TNNI3K: variants seen among roughly 807,000 people sequenced by gnomAD.
TNNI3K encodes TNNI3 interacting kinase.
Under a neutral mutation model 114.5 loss-of-function variants are expected in TNNI3K, and 140 were observed. The ratio of observed to expected loss-of-function variants is 1.22; its 90% CI spans 1.07 to 1.41. The LOEUF is 1.41. TNNI3K is among the 40% of genes most tolerant of loss of function. The probability of loss-of-function intolerance (pLI) is 0.00; values close to 1 mark genes in which losing one functional copy is unlikely to be tolerated. For missense variants in TNNI3K, 1,125 were observed against 1,007.6 expected (o/e 1.12, Z -1.58); for synonymous variants, 347 against 347.5 (o/e 1.00, Z 0.02).
intron 21 of TNNI3K, among the ~76,000 whole-genome samples, chr1:74,486,746 A>C (rs541655202): frequency 1.3e-5 from 2 of 152,186 alleles, no homozygotes; most frequent in South Asian, 4.1e-4. Context: ...AAAAGCTTAA[A>C]GATAAGGAGG....
Position 74,519,366 on chromosome 1 carries a change from A to C in TNNI3K, c.2352-20868A>C, listed in dbSNP as rs1463189959. 9.4e-5 allele frequency among the ~76,000 whole-genome samples: 11 copies of C among 116,948 alleles called. No homozygotes were observed. In the South Asian group the frequency reaches 1.5e-3, roughly 16 times the overall value. 76.7% of individuals were successfully genotyped at this position (116,948 alleles called of 152,430 possible). ...ATACGTGTGCATGTGTCTTTATAGC[A>C]GCATGATTTATACTCATTTGGGTAT... On this transcript the variant is annotated intron_variant, in intron 23 of 24. Coordinates refer to ENST00000326637, the MANE Select transcript of TNNI3K (RefSeq NM_015978.3).
At chr1:74,498,231 A>C (rs1236688670) in intron 23 of TNNI3K, among the ~76,000 whole-genome samples, 1 of 152,188 alleles carries the variant, frequency 6.6e-6, no homozygotes, top group Non-Finnish European at 1.5e-5. Context: ...CTGTATCTTA[A>C]CAGTTTTTTT....
chr1:74,347,644 A>G (rs1661090492), intron 9 of TNNI3K, among the ~76,000 whole-genome samples: 1 of 152,126 alleles, frequency 6.6e-6, no homozygotes, highest in Non-Finnish European at 1.5e-5. Context: ...CTATTTCTCC[A>G]CATCCTCTCC....
At chr1:74,355,795 G>C (rs1661623356) in intron 11 of TNNI3K, among the ~76,000 whole-genome samples, 1 of 152,000 alleles carries the variant, frequency 6.6e-6, no homozygotes, top group African/African-American at 2.4e-5. Context: ...TGATGTGGGA[G>C]TTACTTTAAT....
intron 5 of TNNI3K, among the ~76,000 whole-genome samples, chr1:74,310,639 A>C (rs1399826366): frequency 6.6e-6 from 1 of 152,294 alleles, no homozygotes; most frequent in Non-Finnish European, 1.5e-5. Flanking sequence ...AACAGAACAC[A>C]ATAGAAAACC....
At chr1:74,538,599 T>C (rs1033897035) in intron 23 of TNNI3K, among the ~76,000 whole-genome samples, 1 of 152,130 alleles carries the variant, frequency 6.6e-6, no homozygotes, top group African/African-American at 2.4e-5. Flanking sequence ...TGTGATGTGA[T>C]AGAGAGTGGC....
intron 4 of TNNI3K, among the ~76,000 whole-genome samples, chr1:74,251,779 T>C (rs1022343233): frequency 1.2e-4 from 19 of 152,194 alleles, no homozygotes; most frequent in African/African-American, 4.6e-4. Context: ...AGGACCTTAT[T>C]TTCCCATGAT....
intron 5 of TNNI3K, among the ~76,000 whole-genome samples, chr1:74,294,956 A>G (rs1279013448): frequency 6.6e-6 from 1 of 151,732 alleles, no homozygotes; most frequent in Non-Finnish European, 1.5e-5. Flanking sequence ...ACTTCTTAAG[A>G]TGAATTATTA....
At chr1:74,543,181 T>C (rs566139854) in intron 24 of TNNI3K, among the ~76,000 whole-genome samples, 1 of 148,112 alleles carries the variant, frequency 6.8e-6, no homozygotes, top group East Asian at 2.1e-4. Context: ...TTCAAGTGAT[T>C]CTCCTGCCTC....
At chr1:74,489,548 G>A (rs1237387383) in intron 22 of TNNI3K, among the ~76,000 whole-genome samples, 2 of 152,186 alleles carry the variant, frequency 1.3e-5, no homozygotes, top group Non-Finnish European at 2.9e-5. Context: ...AAATACATTA[G>A]AAGGTAATTA....
intron 17 of TNNI3K, among the ~76,000 whole-genome samples, chr1:74,393,187 A>G (rs567832065): frequency 6.6e-6 from 1 of 152,276 alleles, no homozygotes; most frequent in South Asian, 2.1e-4. Context: ...ATTTTATTCT[A>G]TATGCTATCT....
chr1:74,471,891 C>T, intron 21 of TNNI3K: 1 of 482,868 alleles, frequency 2.1e-6, no homozygotes, highest in East Asian at 3.2e-5. Context: ...GCTCACAGGG[C>T]ACATATTTAC....
rs200259845 is a variant in TNNI3K at position 74,513,259 on chromosome 1, AATT to A, written c.2351+20996_2351+20998del. Among the ~76,000 whole-genome samples the A allele has an allele frequency of 8.0e-3, 1,223 of 152,250 alleles. 26 individuals are homozygous for A. Among genetic ancestry groups the A allele is most frequent in the African/African-American group, 0.028 (1,184 of 41,546 alleles). On this transcript the variant is annotated intron_variant, in intron 23 of 24. Transcript: ENST00000326637. The stretch of plus-strand genomic sequence containing the variant: ...TTTATTCAGCTGATATTTATTGAGA[AATT>A]ATACCGGGATGTGGAAATTTACTGA...
intron 20 of TNNI3K, among the ~76,000 whole-genome samples, chr1:74,455,361 A>G (rs559900321): frequency 6.6e-6 from 1 of 152,296 alleles, no homozygotes; most frequent in Admixed American, 6.5e-5. Context: ...AGAAATCCAC[A>G]TATAGTTCAG....
At chr1:74,534,673 G>C (rs1310336958) in intron 23 of TNNI3K, among the ~76,000 whole-genome samples, 1 of 152,126 alleles carries the variant, frequency 6.6e-6, no homozygotes, top group Admixed American at 6.6e-5. Context: ...AAATTACATA[G>C]AGTTTTAGGA....
chr1:74,522,997 T>C (rs1479777742), intron 23 of TNNI3K, among the ~76,000 whole-genome samples: 1 of 152,220 alleles, frequency 6.6e-6, no homozygotes, highest in Non-Finnish European at 1.5e-5. Context: ...GGAAACCCCA[T>C]GCATTCACTA....
chr1:74,523,670 T>A (rs1488839945), intron 23 of TNNI3K, among the ~76,000 whole-genome samples: 6 of 152,218 alleles, frequency 3.9e-5, no homozygotes, highest in African/African-American at 1.4e-4. Context: ...TGGCAGTGTC[T>A]GGTCTGGTAT....
At chr1:74,506,033 C>T (rs1669879895) in intron 23 of TNNI3K, among the ~76,000 whole-genome samples, 1 of 152,118 alleles carries the variant, frequency 6.6e-6, no homozygotes, top group Admixed American at 6.5e-5. Context: ...TTTGCCAGCC[C>T]AGCCAGTGTT....
chr1:74,434,793 T>A (rs1477015657), intron 17 of TNNI3K, among the ~76,000 whole-genome samples: 1 of 152,058 alleles, frequency 6.6e-6, no homozygotes, highest in Non-Finnish European at 1.5e-5. Flanking sequence ...TATTTTAGAT[T>A]TTCTGTAATT....
Sources: gnomAD v4.1 joint callset for allele counts (sites outside exome capture counted in the v4.1 genomes callset) on GRCh38, gnomAD v4.1.1 for gene constraint, MANE v1.5 for transcripts, NCBI Gene and HGNC (gene_info 2026-07-23, HGNC 2026-07-21) for gene names.